Variants in RYR2 observed in about 807,000 individuals in gnomAD.
RYR2 encodes the protein ryanodine receptor 2.
Under a neutral mutation model 601.1 loss-of-function variants are expected in RYR2, and 227 were observed. That is an observed-to-expected ratio of 0.38 (90% CI 0.34 to 0.42). The LOEUF (loss-of-function observed/expected upper bound fraction) is 0.42, where lower values mean the gene tolerates loss of function less well. Ranked by LOEUF, RYR2 falls within the 10% of genes least tolerant of loss-of-function variation. The pLI, the probability that RYR2 is intolerant of heterozygous loss-of-function variation, is 1.00. For synonymous variants in RYR2, 2,223 were observed against 2,175.1 expected (o/e 1.02, Z -0.61); for missense variants, 4,646 against 6,156.5 (o/e 0.75, Z 8.21).
intron 35 of RYR2, among the ~76,000 whole-genome samples, chr1:237,606,399 C>T (rs1460423614): frequency 2.0e-5 from 3 of 152,150 alleles, no homozygotes; most frequent in Non-Finnish European, 4.4e-5. Flanking sequence ...CTTCCTTACA[C>T]CTTATACAAA....
intron 1 of RYR2, among the ~76,000 whole-genome samples, chr1:237,266,780 G>T (rs1438672198): frequency 2.6e-5 from 4 of 151,694 alleles, no homozygotes; most frequent in Non-Finnish European, 5.9e-5. Flanking sequence ...CTCTCTCCTT[G>T]GTGGTATAGC....
chr1:237,466,567 C>CTTGAAGA (rs1478025424), intron 16 of RYR2, among the ~76,000 whole-genome samples: 1 of 151,862 alleles, frequency 6.6e-6, no homozygotes, highest in Non-Finnish European at 1.5e-5. Flanking sequence ...TGAATGTATT[C>CTTGAAGA]TTGATCAATC....
chr1:237,270,099 T>A (rs1689530259), intron 1 of RYR2, among the ~76,000 whole-genome samples: 1 of 152,228 alleles, frequency 6.6e-6, no homozygotes, highest in African/African-American at 2.4e-5. Context: ...TTAGAATCTG[T>A]TCCGTTCTTG....
At chr1:237,458,003 C>T (rs772049364) in intron 16 of RYR2, among the ~76,000 whole-genome samples, 3 of 152,136 alleles carry the variant, frequency 2.0e-5, no homozygotes, top group Non-Finnish European at 4.4e-5. Context: ...CTTATCCCTA[C>T]CCCCTTACTT....
intron 2 of RYR2, among the ~76,000 whole-genome samples, chr1:237,272,269 T>G (rs1269107888): frequency 2.0e-5 from 3 of 151,928 alleles, no homozygotes; most frequent in Non-Finnish European, 2.9e-5. Context: ...AAAGTCCTCC[T>G]CTGAGGAGAA....
In RYR2 at chr1:237,226,975, G is replaced by C. The variant is rs186440125; in HGVS notation, c.49-43522G>C. 2.3e-3 allele frequency among the ~76,000 whole-genome samples: 346 copies of C among 152,164 alleles called. 1 individual carries two copies. Among genetic ancestry groups the C allele is most frequent in the African/African-American group, 8.1e-3 (337 of 41,500 alleles). ...GTAGAGATCTGGTTTCACCATGTTG[G>C]CCAGGCTGGTCTCAAACTCTTGGGC... On this transcript the variant is annotated intron_variant, in intron 1 of 104. Transcript: ENST00000366574.
chr1:237,147,708 G>T (rs1333924856), intron 1 of RYR2, among the ~76,000 whole-genome samples: 5 of 152,200 alleles, frequency 3.3e-5, no homozygotes, highest in Non-Finnish European at 7.3e-5. Flanking sequence ...TTCTCCTCAT[G>T]GTATACCTGG....
chr1:237,236,613 A>G (rs1222912957), intron 1 of RYR2, among the ~76,000 whole-genome samples: 2 of 152,216 alleles, frequency 1.3e-5, no homozygotes, highest in East Asian at 3.8e-4. Context: ...GCTCTTTTCA[A>G]TATTAAAAAT....
At chr1:237,315,941 A>G (rs1266512262) in intron 2 of RYR2, among the ~76,000 whole-genome samples, 1 of 152,074 alleles carries the variant, frequency 6.6e-6, no homozygotes, top group Non-Finnish European at 1.5e-5. Flanking sequence ...TTTTTCTTCT[A>G]TTAAATCTCT....
At chr1:237,757,289 T>C (rs369268478) in intron 81 of RYR2, among the ~76,000 whole-genome samples, 2 of 152,316 alleles carry the variant, frequency 1.3e-5, no homozygotes, top group South Asian at 2.1e-4. Flanking sequence ...TGATGAAAGT[T>C]CTTCATATAT....
intron 1 of RYR2, among the ~76,000 whole-genome samples, chr1:237,196,798 G>A (rs112506972): frequency 1.3e-5 from 2 of 152,074 alleles, no homozygotes; most frequent in African/African-American, 4.8e-5. Flanking sequence ...GTCAAAGTCT[G>A]TAAGATACAC....
At chr1:237,203,920 G>C (rs956951605) in intron 1 of RYR2, among the ~76,000 whole-genome samples, 3 of 152,048 alleles carry the variant, frequency 2.0e-5, no homozygotes, top group Non-Finnish European at 4.4e-5. Context: ...CTTGTTCTTC[G>C]ACTTCACATA....
intron 34 of RYR2, among the ~76,000 whole-genome samples, chr1:237,595,924 C>T (rs1456958295): frequency 2.6e-5 from 4 of 152,104 alleles, no homozygotes; most frequent in Non-Finnish European, 5.9e-5. Flanking sequence ...CACTGAGGCA[C>T]TTGCAGATGC....
rs2149419558 is a variant in RYR2, at chr1:237,801,877, G to A, written c.14112G>A (p.Lys4704=). Reference sequence around the variant, plus strand: ...GCAGACTGAACTCCATTGATGTGAAGTATCAGATGTGGAAACTAGGAGTCG... The same window carrying A: ...GCAGACTGAACTCCATTGATGTGAAATATCAGATGTGGAAACTAGGAGTCG... ...LSAVLNSIDV[K]YQMWKLGVVF... Residue 4704 remains lysine, a synonymous_variant, in exon 98 of 105, where the codon AAG becomes AAA. Coordinates refer to ENST00000366574, the MANE Select transcript of RYR2 (RefSeq NM_001035.3). The A allele has an allele frequency of 4.4e-6, 7 of 1,597,742 alleles. No individual in the cohort carries two copies. The highest frequency in any genetic ancestry group is 6.0e-6 in the Non-Finnish European group (7 of 1,169,400).
chr1:237,377,302 C>T, intron 7 of RYR2, 21 bp from the exon 8 acceptor site: 1 of 1,552,450 alleles, frequency 6.4e-7, no homozygotes, highest in African/African-American at 1.4e-5. Flanking sequence ...TTTCATGTTT[C>T]ACATATCCGT....
chr1:237,603,412 A>G (rs1479675862), intron 35 of RYR2, among the ~76,000 whole-genome samples: 1 of 152,068 alleles, frequency 6.6e-6, no homozygotes, highest in African/African-American at 2.4e-5. Flanking sequence ...TTATTCACTG[A>G]CCCCGTGAGG....
intron 1 of RYR2, among the ~76,000 whole-genome samples, chr1:237,263,880 A>G (rs1688773239): frequency 6.6e-6 from 1 of 152,116 alleles, no homozygotes; most frequent in South Asian, 2.1e-4. Context: ...GCTCAGAAAA[A>G]TTTAAAAAAA....
chr1:237,614,608 C>T lies in RYR2; in HGVS notation c.5480C>T (p.Thr1827Ile), dbSNP rs968046365. ...GTACCTCTCATCAAGCTTTTCTATA[C>T]CCTGCTGATCATGGGCATCTTTCAC... ...LFVPLIKLFY[T>I]LLIMGIFHNE... The change falls in exon 37 of 105, where the codon ACC becomes ATC. Residue 1827 changes from threonine to isoleucine, a missense_variant. Thr to Ile is a moderately conservative substitution (Grantham distance 89). Transcript: ENST00000366574. The surrounding 1 kb of genome is among the most constrained non-coding windows in gnomAD (Gnocchi z 4.3). 2 of 1,613,920 alleles carry T rather than the reference C, an allele frequency of 1.2e-6. No homozygotes were observed. The highest frequency in any genetic ancestry group is 1.7e-6 in the Non-Finnish European group (2 of 1,179,914).
chr1:237,713,724 G>T (rs894588700), intron 71 of RYR2, among the ~76,000 whole-genome samples: 31 of 152,204 alleles, frequency 2.0e-4, no homozygotes, highest in African/African-American at 5.8e-4. Context: ...AATATATATA[G>T]ATAGATAGAT....
Sources: gnomAD v4.1 joint callset for allele counts (sites outside exome capture counted in the v4.1 genomes callset) on GRCh38, gnomAD v4.1.1 for gene constraint, Gnocchi (gnomAD v3.1) non-coding constraint, MANE v1.5 for transcripts, NCBI Gene and HGNC (gene_info 2026-07-23, HGNC 2026-07-21) for gene names.